MB: variants seen among roughly 807,000 people sequenced by gnomAD.
MB encodes the protein myoglobin, also known as nitrite reductase MB.
Under a neutral mutation model 14.5 loss-of-function variants are expected in MB, and 10 were observed. The observed-to-expected ratio is 0.69, with a 90% confidence interval of 0.43 to 1.17. The LOEUF is 1.17. Ranked by LOEUF, MB falls within the 50% of genes most tolerant of loss-of-function variation. MB has a pLI of 0.00. For synonymous variants in MB, 89 were observed against 78.6 expected, an observed-to-expected ratio of 1.13 and a Z score of -0.70; for missense variants, 169 against 192.7, an observed-to-expected ratio of 0.88 and a Z score of 0.73.
intron 1 of MB, among the ~76,000 whole-genome samples, chr22:35,614,734 C>CCATTAT (rs58036134): frequency 4.0e-5 from 6 of 150,640 alleles, no homozygotes; most frequent in Non-Finnish European, 5.9e-5. Context: ...ATCATCTCTA[C>CCATTAT]CATTATCATT....
At chr22:35,615,829 G>A (rs1241771507) in intron 1 of MB, 1 of 152,256 alleles carries the variant, frequency 6.6e-6, no homozygotes. Flanking sequence ...AACAGGGCCT[G>A]TTGCAGCCAG....
rs185345947 is a variant in MB, at chr22:35,613,520, C to T, written c.96-2414G>A. Among the ~76,000 whole-genome samples the T allele has an allele frequency of 1.2e-3, 185 of 152,228 alleles. 1 individual carries two copies. The highest frequency in any genetic ancestry group is 3.4e-3 in the Middle Eastern group (1 of 294). On this transcript the variant is annotated intron_variant, in intron 1 of 2. Transcript: ENST00000397326. ...ACTTTATTAATATTTTTTTGAGACA[C>T]GGTATTGCTCTGTTGCCCAGGCTGG... is the stretch of plus-strand genomic sequence containing the variant.
intron 1 of MB, among the ~76,000 whole-genome samples, chr22:35,612,149 T>G (rs1048141782): frequency 7.9e-5 from 12 of 152,204 alleles, no homozygotes; most frequent in Non-Finnish European, 1.5e-4. Context: ...CCCAGGGCTC[T>G]CTCTCCTGTC....
At chr22:35,611,809 G>T (rs1922652848) in intron 1 of MB, among the ~76,000 whole-genome samples, 1 of 150,724 alleles carries the variant, frequency 6.6e-6, no homozygotes, top group African/African-American at 2.5e-5. Flanking sequence ...TTAGACCTCG[G>T]TCCTTCCTGC....
intron 1 of MB, chr22:35,615,767 T>C (rs1418462331): frequency 6.6e-6 from 1 of 151,924 alleles, no homozygotes. Context: ...GGCCCAGGAG[T>C]TGATGTCAAT....
intron 1 of MB, among the ~76,000 whole-genome samples, chr22:35,612,596 ACAGGCGC>A (rs560245361): frequency 6.6e-6 from 1 of 152,246 alleles, no homozygotes; most frequent in South Asian, 2.1e-4. Flanking sequence ...TGCTGGGATT[ACAGGCGC>A]CCAGCCATAT....
At chr22:35,621,323 G>A (rs763012039), upstream of MB, among the ~76,000 whole-genome samples, 1 of 152,066 alleles carries the variant, frequency 6.6e-6, no homozygotes, top group South Asian at 2.1e-4. Flanking sequence ...CATATCACAG[G>A]ATCCTTTGAA....
intron 1 of MB, among the ~76,000 whole-genome samples, chr22:35,615,134 C>T (rs1271511393): frequency 6.6e-6 from 1 of 152,148 alleles, no homozygotes; most frequent in Non-Finnish European, 1.5e-5. Context: ...AATTTGCCCT[C>T]TTTTACAATC....
chr22:35,610,067 G>A (rs532090377), intron 2 of MB, among the ~76,000 whole-genome samples: 2 of 152,300 alleles, frequency 1.3e-5, no homozygotes, highest in South Asian at 4.1e-4. Context: ...CCAGCGGGTA[G>A]CTATCACCAC....
chr22:35,623,334 A>AAGGACC (rs1217106422), exon 1 of MB: 2 of 152,312 alleles, frequency 1.3e-5, no homozygotes, highest in African/African-American at 4.8e-5. Context: ...GTACCTAGCA[A>AAGGACC]AGGACCAGGC....
Position 35,608,322 on chromosome 22 carries a change from G to A in MB, c.319-879C>T, listed in dbSNP as rs898135385. Among the ~76,000 whole-genome samples the A allele has an allele frequency of 6.6e-6, 1 of 152,228 alleles. No individual in the cohort carries two copies. Among genetic ancestry groups the A allele is most frequent in the Non-Finnish European group, 1.5e-5 (1 of 68,044 alleles). On this transcript the variant is annotated intron_variant, in intron 2 of 2. Coordinates refer to ENST00000397326, the MANE Select transcript of MB (RefSeq NM_005368.3). The surrounding 1 kb of genome is among the most constrained non-coding windows in gnomAD (Gnocchi z 4.3). ...GAGGAGAAAATCAAGTGGCCAGACC[G>A]AGGTCACGCAGGAAGCAGAGAGCAG...
chr22:35,607,389 C>T lies in MB; in HGVS notation c.373G>A (p.Gly125Ser), dbSNP rs752436624. 6.2e-7 allele frequency: 1 copy of T among 1,614,122 alleles called. No homozygotes were observed. The highest frequency in any genetic ancestry group is 8.5e-7 in the Non-Finnish European group (1 of 1,179,980). The change falls in exon 3 of 3, where the codon GGT becomes AGT. Residue 125 changes from glycine to serine, a missense_variant. Transcript: ENST00000397326. The stretch of plus-strand genomic sequence containing the variant: ...TTCATGGCCCCCTGGGCATCAGCAC[C>T]AAAGTCCCCGGGATGCTTGCTCTGC... ...VLQSKHPGDFGADAQGAMNKA... is the reference protein window; with the variant it reads ...VLQSKHPGDFSADAQGAMNKA...
At position 35,615,797 on chromosome 22, in the gene MB, G is replaced by A. The variant is rs1202697251; in HGVS notation, c.95+1366C>T. 9 of 152,208 alleles carry A rather than the reference G, an allele frequency of 5.9e-5. No individual in the cohort carries two copies. The South Asian group carries it at 8.3e-4, about 14-fold the overall frequency. The allele number at this position is 152,208 out of a possible 1,614,324, so 9.4% of individuals were successfully genotyped here. Reference sequence around the variant, plus strand: ...GTCAATTTGTGTGTGTGTGTTGGTCGGGGGAGCACTTTGTGCAATCCAACA... The same window carrying A: ...GTCAATTTGTGTGTGTGTGTTGGTCAGGGGAGCACTTTGTGCAATCCAACA... On this transcript the variant is annotated intron_variant, in intron 1 of 2. Coordinates refer to ENST00000397326, the MANE Select transcript of MB (RefSeq NM_005368.3).
chr22:35,609,552 A>G (rs1004234792), intron 2 of MB, among the ~76,000 whole-genome samples: 6 of 152,126 alleles, frequency 3.9e-5, no homozygotes, highest in African/African-American at 1.4e-4. Context: ...TCAATGGGTG[A>G]TATTGTGCCA....
In MB at chr22:35,617,244, T is replaced by C; in HGVS notation, c.14A>G (p.Asp5Gly). 1.2e-6 allele frequency: 2 copies of C among 1,614,088 alleles called. No individual in the cohort carries two copies. The highest frequency in any genetic ancestry group is 1.7e-6 in the Non-Finnish European group (2 of 1,179,954). Reference sequence around the variant, plus strand: ...GTTCAGCACCAACTGCCATTCCCCGTCGCTGAGCCCCATGGCGCAGTCTGA... The same window carrying C: ...GTTCAGCACCAACTGCCATTCCCCGCCGCTGAGCCCCATGGCGCAGTCTGA... MGLS[D>G]GEWQLVLNVW... The change falls in exon 1 of 3, where the codon GAC (aspartate) becomes GGC (glycine). Residue 5 changes from aspartate to glycine, a missense_variant. Physicochemically the swap from Asp to Gly is moderately conservative, Grantham distance 94. Coordinates refer to ENST00000397326, the MANE Select transcript of MB (RefSeq NM_005368.3).
At chr22:35,616,956 T>C in intron 1 of MB, 1 of 558,610 alleles carries the variant, frequency 1.8e-6, no homozygotes. Flanking sequence ...TTCCTCCAGC[T>C]GCTGACATCA....
rs190669377 is a variant in MB at position 35,622,625 on chromosome 22, C to T, written c.-9+566G>A. Reference sequence around the variant, plus strand: ...CATGGCAAGGCTCCTCCTCTCCCTGCAGGCCCAGAGGGGCTTATTGGAGGA... The same window carrying T: ...CATGGCAAGGCTCCTCCTCTCCCTGTAGGCCCAGAGGGGCTTATTGGAGGA... On this transcript the variant is annotated intron_variant, in intron 1 of 3. Coordinates refer to the MB transcript ENST00000359787. 180 of 152,594 alleles carry T rather than the reference C, an allele frequency of 1.2e-3. 1 individual carries two copies. The highest frequency in any genetic ancestry group is 0.011 in the South Asian group (53 of 4,842). The allele number at this position is 152,594 out of a possible 1,614,324, so 9.5% of individuals were successfully genotyped here.
upstream of MB, among the ~76,000 whole-genome samples, chr22:35,618,993 TC>T (rs1569122982): frequency 6.9e-6 from 1 of 145,736 alleles, no homozygotes; most frequent in African/African-American, 2.6e-5. Flanking sequence ...CCATTCATCA[TC>T]CCCCCTCCAT....
chr22:35,611,320 C>A lies in MB; in HGVS notation c.96-214G>T, dbSNP rs568975764. 3.2e-4 allele frequency among the ~76,000 whole-genome samples: 49 copies of A among 152,218 alleles called. 1 individual carries two copies. The South Asian group carries it at 7.7e-3, about 24-fold the overall frequency. ...AAGTGAGATAGTGTGTGCTATGTAC[C>A]AACAGGGTGTCTGGCACATAGTGAG... On this transcript the variant is annotated intron_variant, in intron 1 of 2. Coordinates refer to ENST00000397326, the MANE Select transcript of MB (RefSeq NM_005368.3).
Sources: gnomAD v4.1 joint callset for allele counts (sites outside exome capture counted in the v4.1 genomes callset) on GRCh38, gnomAD v4.1.1 for gene constraint, Gnocchi (gnomAD v3.1) non-coding constraint, MANE v1.5 for transcripts, NCBI Gene and HGNC (gene_info 2026-07-23, HGNC 2026-07-21) for gene names.